RBM47: variants seen among roughly 807,000 people sequenced by gnomAD.
The protein encoded by RBM47 is RNA-binding protein 47.
In RBM47, 21 loss-of-function variants were observed where a neutral mutation model predicts 47.1. That is an observed-to-expected ratio of 0.45 (90% confidence interval 0.32 to 0.64). RBM47 has a LOEUF of 0.64. RBM47 is among the 30% of genes least tolerant of loss of function. The pLI is 0.05. For missense variants in RBM47, 708 were observed against 870.9 expected (o/e 0.81, Z 2.35); for synonymous variants, 375 against 361.7 (o/e 1.04, Z -0.42).
At chr4:40,620,394 A>AGCC (rs1366397673) in intron 1 of RBM47, among the ~76,000 whole-genome samples, 2 of 151,728 alleles carry the variant, frequency 1.3e-5, no homozygotes, top group Non-Finnish European at 2.9e-5. Flanking sequence ...AATCCCAGCT[A>AGCC]GCCAGGAGGC....
rs1280285632 is a variant in RBM47 at position 40,423,658 on chromosome 4, TTCTTTCTTTCTTTC to T, written c.*2232_*2245del. On this transcript the variant is annotated 3_prime_UTR_variant, in exon 7 of 7. Transcript: ENST00000295971. The stretch of plus-strand genomic sequence containing the variant: ...TTTTTTATTCTTTCTTTCTTTTTCT[TTCTTTCTTTCTTTC>T]TTTCTTTCTTTCTTTCTTTCTTTCT... 5 of 26,568 alleles carry T rather than the reference TTCTTTCTTTCTTTC, an allele frequency of 1.9e-4. No individual in the cohort carries two copies. The highest frequency in any genetic ancestry group is 4.1e-4 in the Admixed American group (1 of 2,430). The allele number at this position is 26,568 out of a possible 1,614,324, so 1.6% of individuals were successfully genotyped here.
Position 40,437,090 on chromosome 4 carries a change from A to AAAAAAATATAT in RBM47, c.1124-444_1124-443insATATATTTTTT, listed in dbSNP as rs1256296949. 4.6e-4 allele frequency among the ~76,000 whole-genome samples: 23 copies of AAAAAAATATAT among 49,802 alleles called. 2 individuals carry two copies. The highest frequency in any genetic ancestry group is 2.0e-3 in the African/African-American group (18 of 9,168). The allele number at this position is 49,802 out of a possible 152,430, so 32.7% of individuals were successfully genotyped here. ...CCCTGTCTCAAAAAAAAAAAAAAAA[A>AAAAAAATATAT]ATATATATATATATATATATAAAAT... is the stretch of plus-strand genomic sequence containing the variant. On this transcript the variant is annotated intron_variant, in intron 4 of 6. Coordinates refer to ENST00000295971, the MANE Select transcript of RBM47 (RefSeq NM_001098634.2).
At chr4:40,487,767 C>G (rs1465944783) in intron 2 of RBM47, among the ~76,000 whole-genome samples, 1 of 152,116 alleles carries the variant, frequency 6.6e-6, no homozygotes, top group Non-Finnish European at 1.5e-5. Flanking sequence ...ATTGATTATT[C>G]ACACTAAATT....
chr4:40,493,416 T>C (rs988995408), intron 2 of RBM47, among the ~76,000 whole-genome samples: 7 of 152,162 alleles, frequency 4.6e-5, no homozygotes, highest in Non-Finnish European at 1.0e-4. Context: ...CACAGAACAC[T>C]TGGCACACGG....
At chr4:40,594,398 A>G (rs1734565751) in intron 1 of RBM47, among the ~76,000 whole-genome samples, 1 of 152,190 alleles carries the variant, frequency 6.6e-6, no homozygotes. Flanking sequence ...AGGAAAAGTC[A>G]AGGCCTTCTG....
At chr4:40,488,108 G>C (rs1163440299) in intron 2 of RBM47, among the ~76,000 whole-genome samples, 1 of 152,126 alleles carries the variant, frequency 6.6e-6, no homozygotes, top group East Asian at 1.9e-4. Context: ...GATCACCTGA[G>C]ATCAGGAGTT....
At chr4:40,619,089 T>A (rs1216072161) in intron 1 of RBM47, among the ~76,000 whole-genome samples, 2 of 151,788 alleles carry the variant, frequency 1.3e-5, no homozygotes, top group Non-Finnish European at 2.9e-5. Flanking sequence ...ACAGAAGACA[T>A]CCCATGCAGG....
intron 1 of RBM47, among the ~76,000 whole-genome samples, chr4:40,593,072 T>A (rs1734400156): frequency 7.5e-6 from 1 of 133,448 alleles, no homozygotes; most frequent in Non-Finnish European, 1.6e-5. Context: ...TTTGGCTCAC[T>A]GCAAGTCCGC....
At chr4:40,574,504 T>C (rs971978229) in intron 1 of RBM47, among the ~76,000 whole-genome samples, 1 of 152,136 alleles carries the variant, frequency 6.6e-6, no homozygotes, top group Non-Finnish European at 1.5e-5. Flanking sequence ...TCATAGGTAA[T>C]CACAAGATTA....
intron 6 of RBM47, among the ~76,000 whole-genome samples, chr4:40,426,511 A>C (rs901135970): frequency 6.6e-6 from 1 of 152,150 alleles, no homozygotes; most frequent in Non-Finnish European, 1.5e-5. Context: ...ATTTGCATTT[A>C]ACCTATGCAC....
chr4:40,542,672 A>AC (rs1349558465), intron 2 of RBM47: 6 of 152,026 alleles, frequency 3.9e-5, no homozygotes, highest in Non-Finnish European at 4.4e-5. Flanking sequence ...TACCCAGCTA[A>AC]TTTTTTATTT....
At chr4:40,494,495 C>T (rs186745037) in intron 2 of RBM47, among the ~76,000 whole-genome samples, 19 of 152,234 alleles carry the variant, frequency 1.2e-4, no homozygotes, top group African/African-American at 3.4e-4. Context: ...AGAGATAATC[C>T]GGAGAGTCAG....
intron 1 of RBM47, among the ~76,000 whole-genome samples, chr4:40,560,101 G>A (rs1363277554): frequency 2.6e-5 from 4 of 152,138 alleles, no homozygotes; most frequent in Non-Finnish European, 5.9e-5. Context: ...CAGCAAAACA[G>A]TGTTGTCAAA....
At chr4:40,432,978 T>C in intron 5 of RBM47, 116 bp from the exon 6 acceptor site, 1 of 1,399,278 alleles carries the variant, frequency 7.1e-7, no homozygotes, top group Non-Finnish European at 9.4e-7. Flanking sequence ...TTCTTTTTTT[T>C]GAGACAGGGT....
chr4:40,549,650 G>A (rs1375879372), intron 1 of RBM47, among the ~76,000 whole-genome samples: 1 of 150,722 alleles, frequency 6.6e-6, no homozygotes, highest in Non-Finnish European at 1.5e-5. Context: ...AGCCTCCCAA[G>A]TAGCTGGGAT....
intron 1 of RBM47, among the ~76,000 whole-genome samples, chr4:40,580,951 G>A (rs745622433): frequency 6.6e-6 from 1 of 152,228 alleles, no homozygotes; most frequent in African/African-American, 2.4e-5. Flanking sequence ...AAGGGCAAAC[G>A]CCCCATGGCG....
At chr4:40,599,783 T>C (rs529287890) in intron 1 of RBM47, among the ~76,000 whole-genome samples, 2 of 150,640 alleles carry the variant, frequency 1.3e-5, no homozygotes, top group South Asian at 4.2e-4. Flanking sequence ...ACAAGTTGAA[T>C]ACTACCAACT....
intron 1 of RBM47, among the ~76,000 whole-genome samples, chr4:40,614,899 G>A (rs568301258): frequency 3.3e-5 from 5 of 151,956 alleles, no homozygotes; most frequent in East Asian, 3.9e-4. Context: ...ACTAGATAGC[G>A]CCTCATTTCT....
chr4:40,617,067 G>A (rs1736821846), intron 1 of RBM47, among the ~76,000 whole-genome samples: 1 of 151,564 alleles, frequency 6.6e-6, no homozygotes, highest in South Asian at 2.1e-4. Flanking sequence ...GTAGAGACAG[G>A]ATTTCACCAT....
Sources: allele counts gnomAD v4.1 joint callset (sites outside exome capture counted in the v4.1 genomes callset), GRCh38; gene constraint gnomAD v4.1.1; transcripts MANE v1.5; gene names NCBI Gene and HGNC (gene_info 2026-07-23, HGNC 2026-07-21).